DPP6: variants seen among roughly 807,000 people sequenced by gnomAD.
The protein encoded by DPP6 is A-type potassium channel modulatory protein DPP6.
Under a neutral mutation model 122.6 loss-of-function variants are expected in DPP6, and 69 were observed. The ratio of observed to expected loss-of-function variants is 0.56; its 90% CI spans 0.46 to 0.69. The LOEUF (loss-of-function observed/expected upper bound fraction) is 0.69, where lower values mean the gene tolerates loss of function less well. DPP6 is among the 30% of genes least tolerant of loss of function. The pLI is 0.00. For synonymous variants in DPP6, 418 were observed against 433.1 expected (o/e 0.97, Z 0.43); for missense variants, 928 against 1,116.9 (o/e 0.83, Z 2.41).
chr7:154,428,863 G>C (rs562642190), intron 1 of DPP6, among the ~76,000 whole-genome samples: 43 of 152,116 alleles, frequency 2.8e-4, no homozygotes, highest in Non-Finnish European at 5.7e-4. Flanking sequence ...AGAGCGGAAG[G>C]GGTATGAGGG....
At chr7:154,056,161 C>T (rs1443504689) in intron 1 of DPP6, among the ~76,000 whole-genome samples, 1 of 152,204 alleles carries the variant, frequency 6.6e-6, no homozygotes. Context: ...TGTGGCTCCA[C>T]AGGAAAGCCT....
intron 1 of DPP6, among the ~76,000 whole-genome samples, chr7:154,409,353 C>T (rs1276148333): frequency 1.3e-5 from 2 of 152,138 alleles, no homozygotes; most frequent in African/African-American, 4.8e-5. Context: ...AAGCCAAGGG[C>T]AGAGGCCGCA....
chr7:154,062,051 C>A (rs188910237), intron 1 of DPP6, among the ~76,000 whole-genome samples: 12 of 58,012 alleles, frequency 2.1e-4, no homozygotes, highest in African/African-American at 7.2e-4. Context: ...CAGGGACTGA[C>A]AGCCAGCCCC....
At chr7:153,860,982 T>C in the DPP6 span, among the ~76,000 whole-genome samples, 6 of 152,148 alleles carry the variant, frequency 3.9e-5, no homozygotes, top group African/African-American at 1.4e-4. Flanking sequence ...AAGTAGCAGG[T>C]GTTGTGAAAT....
intron 22 of DPP6, 60 bp downstream of exon 22, chr7:154,885,804 C>T: frequency 6.5e-7 from 1 of 1,543,044 alleles, no homozygotes; most frequent in Non-Finnish European, 8.7e-7. Context: ...CGCCCCCTGC[C>T]TGCGTGGCCC....
At chr7:153,946,451 G>A (rs539316286) in intron 1 of DPP6, among the ~76,000 whole-genome samples, 2 of 151,966 alleles carry the variant, frequency 1.3e-5, no homozygotes, top group African/African-American at 2.4e-5. Context: ...TTCAGCATGC[G>A]AATGCATTAT....
chr7:154,143,864 G>GT (rs762434345), intron 1 of DPP6, among the ~76,000 whole-genome samples: 20 of 148,666 alleles, frequency 1.3e-4, no homozygotes, highest in Non-Finnish European at 2.5e-4. Context: ...CCTTTGTGCC[G>GT]TTTTTTGTAC....
chr7:154,711,939 T>TACACACACACACAC (rs57187871), intron 7 of DPP6, among the ~76,000 whole-genome samples: 725 of 63,826 alleles, frequency 0.011, 7 homozygotes, highest in African/African-American at 0.028. Flanking sequence ...TGTCACTTAA[T>TACACACACACACAC]ACACACACAC....
the DPP6 span, among the ~76,000 whole-genome samples, chr7:153,816,495 C>T: frequency 1.3e-5 from 2 of 152,060 alleles, no homozygotes; most frequent in Admixed American, 6.5e-5. Flanking sequence ...CAACAGCATG[C>T]AAATTGATAA....
intron 1 of DPP6, among the ~76,000 whole-genome samples, chr7:154,109,435 G>A (rs942331421): frequency 3.3e-5 from 5 of 151,944 alleles, no homozygotes; most frequent in Non-Finnish European, 7.4e-5. Flanking sequence ...GGATTATGGG[G>A]CACCCACCAC....
intron 4 of DPP6, among the ~76,000 whole-genome samples, chr7:154,562,802 T>G (rs961984322): frequency 6.6e-6 from 1 of 152,170 alleles, no homozygotes; most frequent in Non-Finnish European, 1.5e-5. Context: ...ATCAATTAAA[T>G]ATTTAAATTA....
chr7:154,015,552 GCT>G (rs933175194), intron 1 of DPP6, among the ~76,000 whole-genome samples: 37 of 152,128 alleles, frequency 2.4e-4, no homozygotes, highest in African/African-American at 8.9e-4. Flanking sequence ...CATGGCCATC[GCT>G]CCTCCACCAG....
At chr7:154,699,411 A>G in intron 7 of DPP6, among the ~76,000 whole-genome samples, 1 of 152,178 alleles carries the variant, frequency 6.6e-6, no homozygotes, top group East Asian at 1.9e-4. Context: ...GGAGTGAGAG[A>G]GTGCCTCCCA....
chr7:154,180,516 A>G (rs1047852125), intron 1 of DPP6, among the ~76,000 whole-genome samples: 3 of 133,900 alleles, frequency 2.2e-5, no homozygotes, highest in Admixed American at 7.2e-5. Flanking sequence ...ATAAATATAT[A>G]TAAATATATA....
intron 10 of DPP6, among the ~76,000 whole-genome samples, chr7:154,782,724 A>T (rs1179895840): frequency 1.3e-5 from 2 of 152,004 alleles, no homozygotes; most frequent in Non-Finnish European, 2.9e-5. Context: ...CCCCACCCCC[A>T]GAGTTTCAGA....
intron 1 of DPP6, among the ~76,000 whole-genome samples, chr7:153,946,029 G>C (rs1443953303): frequency 6.6e-6 from 1 of 152,158 alleles, no homozygotes; most frequent in African/African-American, 2.4e-5. Flanking sequence ...CTTCATTGAA[G>C]CTGCAGCCTC....
chr7:154,870,727 C>G (rs1372990849), intron 18 of DPP6, among the ~76,000 whole-genome samples: 2 of 151,976 alleles, frequency 1.3e-5, no homozygotes, highest in Admixed American at 6.5e-5. Context: ...CTTTGGGAGG[C>G]CGAGGCATGC....
At chr7:154,206,189 T>C (rs1434631066) in intron 1 of DPP6, among the ~76,000 whole-genome samples, 2 of 152,200 alleles carry the variant, frequency 1.3e-5, no homozygotes, top group African/African-American at 4.8e-5. Context: ...TCTCTTCTCT[T>C]CTTCTCTTCC....
At chr7:154,418,238 A>T (rs939436353) in intron 1 of DPP6, among the ~76,000 whole-genome samples, 2 of 152,264 alleles carry the variant, frequency 1.3e-5, no homozygotes, top group Middle Eastern at 3.4e-3. Flanking sequence ...AATCAGGAAA[A>T]CCTGCCCCAC....
Sources: gnomAD v4.1 joint callset for allele counts (sites outside exome capture counted in the v4.1 genomes callset) on GRCh38, gnomAD v4.1.1 for gene constraint, MANE v1.5 for transcripts, NCBI Gene and HGNC (gene_info 2026-07-23, HGNC 2026-07-21) for gene names.